Variants in GNG2 observed in about 807,000 individuals in gnomAD.
The protein encoded by GNG2 is guanine nucleotide-binding protein G(I)/G(S)/G(O) subunit gamma-2.
Under a neutral mutation model 5.5 loss-of-function variants are expected in GNG2, and 5 were observed. That is an observed-to-expected ratio of 0.91 (90% CI 0.48 to 1.92). The LOEUF (loss-of-function observed/expected upper bound fraction) is 1.92. Among genes scored for constraint, GNG2 ranks in the 30% most tolerant of loss-of-function variants. GNG2 has a pLI of 0.01. For missense variants in GNG2, 55 were observed against 88.4 expected (o/e 0.62, Z 1.52); for synonymous variants, 28 against 32.0 (o/e 0.88, Z 0.42).
intron 2 of GNG2, among the ~76,000 whole-genome samples, chr14:51,842,074 A>AT (rs111715384): frequency 2.0e-5 from 3 of 152,282 alleles, no homozygotes; most frequent in African/African-American, 4.8e-5. Context: ...GTTGGTTACC[A>AT]TGATGTCATG....
At chr14:51,942,930 G>A (rs990651331) in intron 2 of GNG2, among the ~76,000 whole-genome samples, 5 of 152,038 alleles carry the variant, frequency 3.3e-5, no homozygotes, top group African/African-American at 1.2e-4. Context: ...TGTCACTCTA[G>A]CACTATCCAA....
rs576211941 is a variant in GNG2 at position 51,918,769 on chromosome 14, C to A, written c.-29-31881C>A. On this transcript the variant is annotated intron_variant, in intron 2 of 3. Coordinates refer to ENST00000556766, the MANE Select transcript of GNG2 (RefSeq NM_053064.5). ...AAGGGTTGAAATAAACAAGGTGTTA[C>A]TGTTTTTGGAGAAATTCTTGTGTAT... 3.3e-5 allele frequency among the ~76,000 whole-genome samples: 5 copies of A among 152,274 alleles called. No individual in the cohort carries two copies. In the East Asian group the frequency reaches 9.6e-4, roughly 29 times the overall value.
At chr14:51,873,104 T>TG (rs1458975996) in intron 1 of GNG2, among the ~76,000 whole-genome samples, 1 of 152,220 alleles carries the variant, frequency 6.6e-6, no homozygotes, top group Non-Finnish European at 1.5e-5. Context: ...TGATTAATCT[T>TG]GGAGTGTTTA....
chr14:51,949,826 A>G (rs77369677), intron 2 of GNG2, among the ~76,000 whole-genome samples: 4,973 of 152,276 alleles, frequency 0.033, 193 homozygotes, highest in East Asian at 0.14. Flanking sequence ...GTGAGATGGT[A>G]TGTCAAGAAA....
At chr14:51,860,581 C>T (rs1389472693), upstream of GNG2, 1 of 152,404 alleles carries the variant, frequency 6.6e-6, no homozygotes, top group Admixed American at 6.5e-5. Flanking sequence ...GTAGAAAGAA[C>T]GTTGATTGAA....
intron 2 of GNG2, among the ~76,000 whole-genome samples, chr14:51,892,923 G>C (rs1038821020): frequency 6.6e-6 from 1 of 152,214 alleles, no homozygotes; most frequent in Non-Finnish European, 1.5e-5. Flanking sequence ...AAATATAAAA[G>C]TTAATGTGCA....
chr14:51,944,742 A>G (rs186877358), intron 2 of GNG2, among the ~76,000 whole-genome samples: 254 of 152,354 alleles, frequency 1.7e-3, no homozygotes, highest in Middle Eastern at 3.4e-3. Context: ...TTGAATTTGT[A>G]TATAACACCA....
At chr14:51,842,477 G>T (rs548859929) in intron 2 of GNG2, among the ~76,000 whole-genome samples, 1 of 152,094 alleles carries the variant, frequency 6.6e-6, no homozygotes, top group Non-Finnish European at 1.5e-5. Flanking sequence ...CTCCGCACAC[G>T]CAAACGGAAG....
intron 2 of GNG2, among the ~76,000 whole-genome samples, chr14:51,922,258 A>C (rs1375376956): frequency 6.6e-6 from 1 of 152,224 alleles, no homozygotes; most frequent in Admixed American, 6.5e-5. Flanking sequence ...CTATCATGGG[A>C]AAGAAATTGC....
At chr14:51,877,894 G>T (rs1345804241) in intron 2 of GNG2, 1 of 280,936 alleles carries the variant, frequency 3.6e-6, no homozygotes, top group East Asian at 9.7e-5. Flanking sequence ...AAAAACCTGA[G>T]TTGGAGAGCC....
At chr14:51,885,362 A>G (rs1884376578) in intron 2 of GNG2, among the ~76,000 whole-genome samples, 1 of 152,196 alleles carries the variant, frequency 6.6e-6, no homozygotes, top group Admixed American at 6.5e-5. Context: ...AAAGAGTGAA[A>G]TTACCACTTA....
intron 2 of GNG2, among the ~76,000 whole-genome samples, chr14:51,890,023 G>T (rs558828489): frequency 4.6e-5 from 7 of 152,172 alleles, no homozygotes; most frequent in Non-Finnish European, 7.3e-5. Context: ...TAAAATAGAA[G>T]TCCAAGTACT....
chr14:51,840,588 C>A (rs1027062546), intron 2 of GNG2, among the ~76,000 whole-genome samples: 1 of 152,180 alleles, frequency 6.6e-6, no homozygotes, highest in African/African-American at 2.4e-5. Context: ...TGCTTCTCAG[C>A]CTTGTGCCTG....
At chr14:51,892,748 G>T (rs78149114) in intron 2 of GNG2, among the ~76,000 whole-genome samples, 2 of 152,118 alleles carry the variant, frequency 1.3e-5, no homozygotes, top group African/African-American at 4.8e-5. Context: ...ATGCTTTGGG[G>T]TGTATTATTC....
chr14:51,856,433 T>A (rs1363992755), upstream of GNG2, among the ~76,000 whole-genome samples: 1 of 152,198 alleles, frequency 6.6e-6, no homozygotes, highest in Non-Finnish European at 1.5e-5. Flanking sequence ...ATTTCTTTTC[T>A]TTTTTGTTGT....
chr14:51,963,187 A>T (rs1209682834), intron 3 of GNG2, among the ~76,000 whole-genome samples: 2 of 152,240 alleles, frequency 1.3e-5, no homozygotes, highest in African/African-American at 4.8e-5. Flanking sequence ...CTTGTTGAGG[A>T]AACAAGATAA....
At chr14:51,959,827 T>C (rs1889490569) in intron 3 of GNG2, among the ~76,000 whole-genome samples, 1 of 152,172 alleles carries the variant, frequency 6.6e-6, no homozygotes, top group Admixed American at 6.6e-5. Context: ...TTTACCCTGA[T>C]CTACTTTTTT....
chr14:51,900,398 C>G (rs528461097), intron 2 of GNG2, among the ~76,000 whole-genome samples: 1 of 151,960 alleles, frequency 6.6e-6, no homozygotes, highest in East Asian at 1.9e-4. Context: ...TTCAGGAATA[C>G]ACGAGACTGA....
intron 2 of GNG2, among the ~76,000 whole-genome samples, chr14:51,938,631 T>TA (rs1646929315): frequency 6.6e-6 from 1 of 152,220 alleles, no homozygotes; most frequent in African/African-American, 2.4e-5. Flanking sequence ...GTTTTCTCAC[T>TA]ATTATACCTA....
Sources: gnomAD v4.1 joint callset for allele counts (sites outside exome capture counted in the v4.1 genomes callset) on GRCh38, gnomAD v4.1.1 for gene constraint, MANE v1.5 for transcripts, NCBI Gene and HGNC (gene_info 2026-07-23, HGNC 2026-07-21) for gene names.